The following ATP13A4 variants were observed in gnomAD, a reference collection of about 807,000 sequenced individuals.
The protein encoded by ATP13A4 is ATPase 13A4.
Under a neutral mutation model 142.5 loss-of-function variants are expected in ATP13A4, and 114 were observed. The observed-to-expected ratio is 0.80, with a 90% CI of 0.69 to 0.93. ATP13A4 has a LOEUF of 0.93. ATP13A4 is among the 40% of genes least tolerant of loss of function. The pLI is 0.00. For missense variants in ATP13A4, 1,392 were observed against 1,454.0 expected (o/e 0.96, Z 0.69); for synonymous variants, 488 against 514.8 (o/e 0.95, Z 0.70).
At chr3:193,550,572 C>A (rs752710171) in intron 1 of ATP13A4, among the ~76,000 whole-genome samples, 1 of 152,158 alleles carries the variant, frequency 6.6e-6, no homozygotes, top group Non-Finnish European at 1.5e-5. Flanking sequence ...TCCCAAAGTG[C>A]CGGGATTACA....
At chr3:193,586,098 CACACACACACACACACACATAT>C (rs1445503268) in intron 1 of ATP13A4, among the ~76,000 whole-genome samples, 3 of 45,074 alleles carry the variant, frequency 6.7e-5, no homozygotes, top group Non-Finnish European at 1.4e-4. Flanking sequence ...CATACACACA[CACACACACACACACACACATAT>C]ACACACACAC....
At chr3:193,435,211 T>C (rs943284886) in intron 24 of ATP13A4, among the ~76,000 whole-genome samples, 10 of 152,030 alleles carry the variant, frequency 6.6e-5, no homozygotes, top group African/African-American at 2.4e-4. Context: ...CTGGTTATGG[T>C]AGGAGTATTT....
intron 1 of ATP13A4, among the ~76,000 whole-genome samples, chr3:193,522,543 A>G (rs753150818): frequency 1.4e-4 from 21 of 152,138 alleles, no homozygotes; most frequent in Non-Finnish European, 2.9e-4. Flanking sequence ...TTTATTTAAA[A>G]TTCTTTTCAC....
intron 7 of ATP13A4, among the ~76,000 whole-genome samples, chr3:193,486,576 A>G (rs1265604968): frequency 6.6e-6 from 1 of 152,262 alleles, no homozygotes; most frequent in Admixed American, 6.5e-5. Flanking sequence ...ACCACATCAG[A>G]TAAACCTAAG....
chr3:193,484,269 C>G (rs887123604), intron 7 of ATP13A4, among the ~76,000 whole-genome samples: 2 of 151,672 alleles, frequency 1.3e-5, no homozygotes, highest in African/African-American at 4.9e-5. Context: ...GAGTTTTTGA[C>G]ACTGAACTCC....
chr3:193,458,030 A>T (rs1717737849), intron 14 of ATP13A4, among the ~76,000 whole-genome samples: 1 of 152,236 alleles, frequency 6.6e-6, no homozygotes, highest in Non-Finnish European at 1.5e-5. Context: ...GTGGCTGACA[A>T]GGTCCCAGAG....
At chr3:193,479,831 C>T (rs1261349107) in intron 8 of ATP13A4, among the ~76,000 whole-genome samples, 17 of 152,076 alleles carry the variant, frequency 1.1e-4, no homozygotes, top group Admixed American at 1.1e-3. Flanking sequence ...GCAAAAAGAA[C>T]AAATCTGGAG....
At chr3:193,522,246 T>C (rs1721762127) in intron 1 of ATP13A4, among the ~76,000 whole-genome samples, 1 of 152,216 alleles carries the variant, frequency 6.6e-6, no homozygotes, top group Admixed American at 6.5e-5. Context: ...AAAAGCAACT[T>C]ATCCCACCTA....
At chr3:193,580,959 T>C (rs1005335800) in intron 2 of ATP13A4, among the ~76,000 whole-genome samples, 3 of 152,202 alleles carry the variant, frequency 2.0e-5, no homozygotes, top group Admixed American at 6.5e-5. Context: ...AAATGATGTG[T>C]TCATATGCAT....
At chr3:193,586,806 C>T (rs1048177541) in intron 1 of ATP13A4, among the ~76,000 whole-genome samples, 17 of 152,182 alleles carry the variant, frequency 1.1e-4, no homozygotes, top group African/African-American at 4.1e-4. Flanking sequence ...AATGCTCTGG[C>T]ATCAATCTGA....
chr3:193,567,430 T>C (rs1258502341), intron 2 of ATP13A4, among the ~76,000 whole-genome samples: 11 of 152,196 alleles, frequency 7.2e-5, no homozygotes, highest in Non-Finnish European at 1.2e-4. Flanking sequence ...TATAGCATCA[T>C]GTAGTTAAGT....
chr3:193,437,103 C>CAAAAAA (rs1190025956), intron 23 of ATP13A4, among the ~76,000 whole-genome samples: 3,849 of 62,440 alleles, frequency 0.062, 116 homozygotes, highest in East Asian at 0.18. Context: ...GACTCCGTCT[C>CAAAAAA]AAAAAAAAAA....
At chr3:193,485,860 G>A (rs1341671788) in intron 7 of ATP13A4, among the ~76,000 whole-genome samples, 3 of 151,594 alleles carry the variant, frequency 2.0e-5, no homozygotes, top group African/African-American at 7.3e-5. Flanking sequence ...TGAATCTGCT[G>A]GTGTCTTGAT....
intron 10 of ATP13A4, among the ~76,000 whole-genome samples, chr3:193,466,947 A>G (rs905550683): frequency 6.6e-6 from 1 of 152,184 alleles, no homozygotes; most frequent in African/African-American, 2.4e-5. Flanking sequence ...CCAAAAAAAA[A>G]TGGAAAGAAT....
chr3:193,412,523 A>G, intron 26 of ATP13A4, 152 bp from the exon 27 acceptor site: 2 of 634,290 alleles, frequency 3.2e-6, no homozygotes, highest in Non-Finnish European at 5.6e-6. Flanking sequence ...ACACACACAC[A>G]CACACACACA....
chr3:193,558,046 T>C (rs576735262), upstream of ATP13A4, among the ~76,000 whole-genome samples: 1 of 152,184 alleles, frequency 6.6e-6, no homozygotes, highest in South Asian at 2.1e-4. Context: ...CAGGTCTGAG[T>C]CTGAGCTTAG....
intron 2 of ATP13A4, among the ~76,000 whole-genome samples, chr3:193,504,919 G>C (rs1720776557): frequency 6.6e-6 from 1 of 152,058 alleles, no homozygotes; most frequent in Non-Finnish European, 1.5e-5. Flanking sequence ...ATTTTCATAT[G>C]ATTACATAGC....
intron 8 of ATP13A4, among the ~76,000 whole-genome samples, chr3:193,481,869 G>T (rs77645705): frequency 2.0e-5 from 3 of 152,154 alleles, no homozygotes; most frequent in South Asian, 2.1e-4. Flanking sequence ...AGCTTCTAAA[G>T]ATTTACAAAC....
chr3:193,454,231 A>G lies in ATP13A4; in HGVS notation c.1916-19T>C, dbSNP rs1189966089. Reference sequence around the variant, plus strand: ...GTGGGTACTGTTTAGAAAGAAACACAGGGTTAGTACGCAGTTATTTGCTTA... The same window carrying G: ...GTGGGTACTGTTTAGAAAGAAACACGGGGTTAGTACGCAGTTATTTGCTTA... On this transcript the variant is annotated intron_variant, in intron 16 of 29. Coordinates refer to ENST00000342695, the MANE Select transcript of ATP13A4 (RefSeq NM_032279.4). 14 of 1,560,020 alleles carry G rather than the reference A, an allele frequency of 9.0e-6. No individual in the cohort carries two copies. The Admixed American group carries it at 2.0e-4, about 22-fold the overall frequency.
Sources: allele counts gnomAD v4.1 joint callset (sites outside exome capture counted in the v4.1 genomes callset), GRCh38; gene constraint gnomAD v4.1.1; transcripts MANE v1.5; gene names NCBI Gene and HGNC (gene_info 2026-07-23, HGNC 2026-07-21).